Variants in AHI1 observed in about 807,000 individuals in gnomAD.
AHI1 encodes Abelson helper integration site 1.
A neutral mutation model predicts 149.3 loss-of-function variants in AHI1; 123 were observed. That is an observed-to-expected ratio of 0.82 (90% CI 0.71 to 0.96). AHI1 has a LOEUF of 0.96. AHI1 is among the 40% of genes least tolerant of loss of function. The pLI, the probability that AHI1 is intolerant of heterozygous loss-of-function variation, is 0.00. For synonymous variants in AHI1, 475 were observed against 459.8 expected (o/e 1.03, Z -0.42); for missense variants, 1,439 against 1,422.7 (o/e 1.01, Z -0.18).
intron 20 of AHI1, among the ~76,000 whole-genome samples, chr6:135,426,188 G>T (rs1156401367): frequency 6.6e-6 from 1 of 151,652 alleles, no homozygotes; most frequent in Non-Finnish European, 1.5e-5. Context: ...CTTTGCTAAT[G>T]TCTGCTTGTA....
In AHI1 at chr6:135,339,736, A is replaced by G. The variant is rs116636588; in HGVS notation, c.3166-16412T>C. Among the ~76,000 whole-genome samples the G allele has an allele frequency of 1.8e-3, 280 of 152,338 alleles. 1 individual carries two copies. The highest frequency in any genetic ancestry group is 6.5e-3 in the African/African-American group (272 of 41,576). On this transcript the variant is annotated intron_variant, in intron 24 of 28. Transcript: ENST00000265602. Reference sequence around the variant, plus strand: ...TATGCATAACAGGACTCCCAGAAGAAGAGTCAGAGAAAGGGGAAAAATGAC... The same window carrying G: ...TATGCATAACAGGACTCCCAGAAGAGGAGTCAGAGAAAGGGGAAAAATGAC...
intron 24 of AHI1, among the ~76,000 whole-genome samples, chr6:135,336,615 T>A (rs1789430761): frequency 6.6e-6 from 1 of 152,172 alleles, no homozygotes; most frequent in South Asian, 2.1e-4. Flanking sequence ...ATCTCCTGTA[T>A]CTTATGAGAT....
At chr6:135,317,011 C>T (rs1401125747) in intron 26 of AHI1, among the ~76,000 whole-genome samples, 1 of 152,168 alleles carries the variant, frequency 6.6e-6, no homozygotes, top group Non-Finnish European at 1.5e-5. Context: ...AGACCCTTAG[C>T]AAAATCCTAG....
chr6:135,376,670 T>C (rs1030204575), intron 23 of AHI1, among the ~76,000 whole-genome samples: 7 of 150,428 alleles, frequency 4.7e-5, no homozygotes, highest in African/African-American at 1.7e-4. Context: ...GATCACGAGG[T>C]CAGGAGTTCG....
chr6:135,369,552 TTATTTCTTCAAA>T (rs1774721452), intron 23 of AHI1, among the ~76,000 whole-genome samples: 1 of 152,230 alleles, frequency 6.6e-6, no homozygotes, highest in Admixed American at 6.5e-5. Flanking sequence ...TACTAGCCCA[TTATTTCTTCAAA>T]TATTTCTTCA....
chr6:135,420,640 C>T (rs916239912), intron 20 of AHI1, among the ~76,000 whole-genome samples: 3 of 152,146 alleles, frequency 2.0e-5, no homozygotes, highest in Non-Finnish European at 4.4e-5. Context: ...TTGCAGCTAC[C>T]TCACCTCTCA....
chr6:135,371,479 AGT>A (rs1775051055), intron 23 of AHI1, among the ~76,000 whole-genome samples: 2 of 152,138 alleles, frequency 1.3e-5, no homozygotes, highest in South Asian at 4.1e-4. Context: ...AGTACGGCTG[AGT>A]GCCTTTGTTA....
At position 135,357,825 on chromosome 6, in the gene AHI1, A is replaced by G. The variant is rs1000366240; in HGVS notation, c.3165+307T>C. On this transcript the variant is annotated intron_variant, in intron 24 of 28. Coordinates refer to ENST00000265602, the MANE Select transcript of AHI1 (RefSeq NM_001134831.2). ...CTATAATAATAAAGCAAAGTAACCT[A>G]TAAGAGAAATGAAGCATAATGGCCT... is the stretch of plus-strand genomic sequence containing the variant. Among the ~76,000 whole-genome samples, 31 of 152,340 alleles carry G rather than the reference A, an allele frequency of 2.0e-4. No individual in the cohort carries two copies. In the East Asian group the frequency reaches 3.1e-3, roughly 15 times the overall value.
At chr6:135,484,969 T>C (rs1186157844) in intron 5 of AHI1, among the ~76,000 whole-genome samples, 1 of 152,210 alleles carries the variant, frequency 6.6e-6, no homozygotes, top group Non-Finnish European at 1.5e-5. Context: ...ACATTTAAGT[T>C]TGTTAGTTAT....
intron 24 of AHI1, among the ~76,000 whole-genome samples, chr6:135,348,770 T>C (rs570333861): frequency 4.6e-5 from 7 of 152,284 alleles, no homozygotes; most frequent in African/African-American, 1.7e-4. Context: ...GAGTCAAAAA[T>C]GAATCTATGA....
intron 26 of AHI1, chr6:135,302,345 C>T: frequency 1.0e-6 from 1 of 986,890 alleles, no homozygotes; most frequent in Non-Finnish European, 1.2e-6. Flanking sequence ...TCATACTGAA[C>T]TATATACCAG....
At chr6:135,492,671 C>G (rs1467750826) in intron 3 of AHI1, 1 of 985,304 alleles carries the variant, frequency 1.0e-6, no homozygotes, top group South Asian at 4.7e-5. Flanking sequence ...TTCCTAAGAG[C>G]ATTCAATATT....
intron 5 of AHI1, among the ~76,000 whole-genome samples, chr6:135,477,168 G>C (rs1792806970): frequency 6.6e-6 from 1 of 151,924 alleles, no homozygotes; most frequent in South Asian, 2.1e-4. Flanking sequence ...AGCCTCTGGA[G>C]TAGCTGGGAC....
chr6:135,356,754 C>T (rs1793035122), intron 24 of AHI1, among the ~76,000 whole-genome samples: 1 of 152,022 alleles, frequency 6.6e-6, no homozygotes, highest in South Asian at 2.1e-4. Flanking sequence ...AACATACATA[C>T]TACAGTCAAG....
chr6:135,376,598 C>T (rs1372755094), intron 23 of AHI1, among the ~76,000 whole-genome samples: 6 of 151,714 alleles, frequency 4.0e-5, no homozygotes, highest in African/African-American at 7.3e-5. Context: ...GACAGTGGGT[C>T]GAAGGCCGGG....
At chr6:135,478,883 C>T (rs1793148186) in intron 5 of AHI1, among the ~76,000 whole-genome samples, 2 of 152,236 alleles carry the variant, frequency 1.3e-5, no homozygotes, top group African/African-American at 4.8e-5. Context: ...ACATGGGGCC[C>T]TGTGTCCCAG....
chr6:135,333,146 A>G (rs1241207984), intron 24 of AHI1, among the ~76,000 whole-genome samples: 1 of 152,210 alleles, frequency 6.6e-6, no homozygotes, highest in Non-Finnish European at 1.5e-5. Context: ...TACAATTATT[A>G]CCATTTAATA....
Position 135,361,645 on chromosome 6 carries a change from TCACACACACACACACA to T in AHI1, c.3110-3474_3110-3459del, listed in dbSNP as rs57786531. The stretch of plus-strand genomic sequence containing the variant: ...AATCAGGAGGTACCTAGGTATGGTT[TCACACACACACACACA>T]CACACACACACACACACACACACAC... On this transcript the variant is annotated intron_variant, in intron 23 of 28. Transcript: ENST00000265602. Among the ~76,000 whole-genome samples, 801 of 133,902 alleles carry T rather than the reference TCACACACACACACACA, an allele frequency of 6.0e-3. 8 individuals carry two copies. Among genetic ancestry groups the T allele is most frequent in the African/African-American group, 0.02 (738 of 36,268 alleles). The allele number at this position is 133,902 out of a possible 152,430, so 87.8% of individuals were successfully genotyped here.
chr6:135,322,752 C>A (rs900686981), intron 25 of AHI1, among the ~76,000 whole-genome samples: 1 of 152,116 alleles, frequency 6.6e-6, no homozygotes, highest in African/African-American at 2.4e-5. Context: ...TCACAGGTAA[C>A]CAGATAGGAC....
Sources: allele counts gnomAD v4.1 joint callset (sites outside exome capture counted in the v4.1 genomes callset), GRCh38; gene constraint gnomAD v4.1.1; transcripts MANE v1.5; gene names NCBI Gene and HGNC (gene_info 2026-07-23, HGNC 2026-07-21).